USP54: variants seen among roughly 807,000 people sequenced by gnomAD.
USP54 encodes the protein ubiquitin specific peptidase 54, also known as ubiquitin carboxyl-terminal hydrolase 54.
USP54 carries 87 observed loss-of-function variants against 170.5 expected under a neutral mutation model. The observed-to-expected ratio is 0.51, with a 90% CI of 0.43 to 0.61. USP54 has a LOEUF of 0.61. USP54 is among the 20% of genes least tolerant of loss of function. The probability of loss-of-function intolerance (pLI) is 0.00; values close to 1 mark genes in which losing one functional copy is unlikely to be tolerated. For synonymous variants in USP54, 655 were observed against 742.8 expected (o/e 0.88, Z 1.92); for missense variants, 1,786 against 2,047.8 (o/e 0.87, Z 2.47).
chr10:73,526,313 T>G (rs774306075), intron 16 of USP54, among the ~76,000 whole-genome samples: 139 of 152,110 alleles, frequency 9.1e-4, no homozygotes, highest in Non-Finnish European at 1.2e-3. Flanking sequence ...AGTGGCACGA[T>G]CTTGGCTCAC....
At chr10:73,545,094 G>A (rs1283883577) in intron 5 of USP54, among the ~76,000 whole-genome samples, 1 of 152,152 alleles carries the variant, frequency 6.6e-6, no homozygotes, top group Non-Finnish European at 1.5e-5. Context: ...AGGGGCACTG[G>A]AGGCAATGTA....
At chr10:73,518,310 G>A in intron 19 of USP54, 3 of 921,950 alleles carry the variant, frequency 3.3e-6, no homozygotes, top group Non-Finnish European at 3.9e-6. Flanking sequence ...TTTATAATCT[G>A]GATTTTGTTC....
intron 4 of USP54, 81 bp from the exon 5 acceptor site, chr10:73,545,753 T>C: frequency 3.3e-6 from 5 of 1,515,662 alleles, no homozygotes; most frequent in Non-Finnish European, 4.5e-6. Flanking sequence ...CATGCTAGCA[T>C]CTCCATGATG....
intron 1 of USP54, among the ~76,000 whole-genome samples, chr10:73,613,132 CTTT>C (rs967595386): frequency 3.2e-3 from 406 of 127,394 alleles, no homozygotes; most frequent in African/African-American, 0.012. Flanking sequence ...ATTCCAGCCT[CTTT>C]TTTTTTTTTT....
chr10:73,512,486 C>CA lies in USP54; in HGVS notation c.4051+3888dup, dbSNP rs1225445494. On this transcript the variant is annotated intron_variant, in intron 20 of 23. Coordinates refer to ENST00000687698, the MANE Select transcript of USP54 (RefSeq NM_001391956.1). Reference sequence around the variant, plus strand: ...TCAGTTTTTAAACCAAGGACTCTAACAAAAATAAAGACTAGTTTGATTTTA... The same window carrying CA: ...TCAGTTTTTAAACCAAGGACTCTAACAAAAAATAAAGACTAGTTTGATTTTA... 5.9e-5 allele frequency among the ~76,000 whole-genome samples: 9 copies of CA among 152,058 alleles called. 1 individual carries two copies. The East Asian group carries it at 1.7e-3, about 29-fold the overall frequency.
chr10:73,557,653 T>G (rs1002473968), intron 4 of USP54, among the ~76,000 whole-genome samples: 2 of 151,848 alleles, frequency 1.3e-5, no homozygotes, highest in Admixed American at 6.6e-5. Flanking sequence ...ACCCAGCTAA[T>G]TTTTGTATTT....
Position 73,529,810 on chromosome 10 carries a change from C to T in USP54, c.1930G>A (p.Gly644Ser), listed in dbSNP as rs749982479. The change falls in exon 15 of 24, where the codon GGC (glycine) becomes AGC (serine). Residue 644 changes from glycine to serine, a missense_variant. Gly to Ser is a moderately conservative substitution (Grantham distance 56). Around this residue, in one of 3 missense-constraint regions of USP54, gnomAD observed 1,418 missense variants for 1,569.0 expected, o/e 0.90. Coordinates refer to ENST00000687698, the MANE Select transcript of USP54 (RefSeq NM_001391956.1). ...QYKRWGPARP[G>S]SHLLEQHPRL... ...GGGTGCTGCTCTAAAAGGTGAGAGCCTGGCCGTGCTGGGCCCCAGCGCTTG... is the reference window on the plus strand; with the variant it reads ...GGGTGCTGCTCTAAAAGGTGAGAGCTTGGCCGTGCTGGGCCCCAGCGCTTG... The T allele has an allele frequency of 1.1e-5, 17 of 1,612,386 alleles. No homozygotes were observed. The African/African-American group carries it at 1.2e-4, about 11-fold the overall frequency.
intron 3 of USP54, among the ~76,000 whole-genome samples, chr10:73,574,407 T>C (rs1044075228): frequency 1.3e-5 from 2 of 152,138 alleles, no homozygotes; most frequent in Non-Finnish European, 2.9e-5. Flanking sequence ...GAGATTAACA[T>C]ACCTGAAAGT....
At chr10:73,501,804 C>A (rs1340225056) in intron 22 of USP54, among the ~76,000 whole-genome samples, 2 of 152,118 alleles carry the variant, frequency 1.3e-5, no homozygotes, top group South Asian at 4.1e-4. Context: ...AGTCTTTATA[C>A]TTCCTGTTTC....
chr10:73,565,469 T>C (rs1337299112), intron 4 of USP54, among the ~76,000 whole-genome samples: 1 of 152,210 alleles, frequency 6.6e-6, no homozygotes, highest in East Asian at 1.9e-4. Context: ...TGAACCATAA[T>C]AGCCCCACTA....
At chr10:73,530,061 G>A in intron 14 of USP54, 82 bp downstream of exon 14, 13 of 1,524,770 alleles carry the variant, frequency 8.5e-6, no homozygotes, top group Non-Finnish European at 1.1e-5. Flanking sequence ...CCCCTTGCCA[G>A]ATGTACCAAA....
intron 3 of USP54, among the ~76,000 whole-genome samples, chr10:73,573,557 G>A (rs2075603555): frequency 6.6e-6 from 1 of 152,052 alleles, no homozygotes; most frequent in Admixed American, 6.6e-5. Context: ...TGAGGTGAGG[G>A]GTTCAAGACC....
At chr10:73,557,100 C>T (rs750961315) in intron 4 of USP54, among the ~76,000 whole-genome samples, 7 of 152,144 alleles carry the variant, frequency 4.6e-5, no homozygotes, top group Non-Finnish European at 8.8e-5. Context: ...ATACAGAGGA[C>T]GGATTTCCTA....
intron 20 of USP54, among the ~76,000 whole-genome samples, chr10:73,509,868 G>A (rs991214853): frequency 6.6e-6 from 1 of 152,102 alleles, no homozygotes; most frequent in Non-Finnish European, 1.5e-5. Flanking sequence ...AAATTGGTCG[G>A]ATGTGGTGGT....
intron 20 of USP54, among the ~76,000 whole-genome samples, chr10:73,510,206 G>A (rs1190061896): frequency 2.6e-5 from 4 of 151,888 alleles, no homozygotes; most frequent in Middle Eastern, 3.2e-3. Context: ...ATGGTGGCAC[G>A]TGCCTGTAGT....
rs200429219 is a variant in USP54 at position 73,498,727 on chromosome 10, G to A, written c.4957C>T (p.His1653Tyr). 9.9e-6 allele frequency: 16 copies of A among 1,613,622 alleles called. No individual in the cohort carries two copies. In the Admixed American group the frequency reaches 2.2e-4, roughly 22 times the overall value. Residue 1653 changes from histidine (H) to tyrosine (Y), a missense_variant, in exon 24 of 24, where the codon CAC becomes TAC. His to Tyr is a moderately conservative substitution (Grantham distance 83). Transcript: ENST00000687698. Reference protein sequence around the residue: ...RQSSYASHSGHRRTVGEGFLF... With the variant: ...RQSSYASHSGYRRTVGEGFLF... ...AACCCCTCTCCCACTGTTCTCCTGT[G>A]TCCAGAGTGGGAGGCATAACTGCTT...
At chr10:73,622,577 G>A (rs371711344) in intron 1 of USP54, among the ~76,000 whole-genome samples, 5 of 152,194 alleles carry the variant, frequency 3.3e-5, no homozygotes, top group African/African-American at 9.6e-5. Context: ...GCCCACCTCA[G>A]CCTCCCAAAG....
rs1265063297 is a variant in USP54 at position 73,620,330 on chromosome 10, A to AAAGG, written c.-18+5236_-18+5237insCCTT. Among the ~76,000 whole-genome samples the AAAGG allele has an allele frequency of 4.0e-5, 6 of 149,476 alleles. 1 individual carries two copies. Among genetic ancestry groups the AAAGG allele is most frequent in the African/African-American group, 1.3e-4 (5 of 39,186 alleles). ...TCCATCTCAAAAAAAAAAAAGAAAGAAAGAAAAAAGAAAGTTCTCTAGGCT... is the reference window on the plus strand; with the variant it reads ...TCCATCTCAAAAAAAAAAAAGAAAGAAAGGAAGAAAAAAGAAAGTTCTCTAGGCT... On this transcript the variant is annotated intron_variant, in intron 1 of 22. Transcript: ENST00000339859.
intron 12 of USP54, among the ~76,000 whole-genome samples, chr10:73,531,406 T>C (rs1447858002): frequency 6.6e-6 from 1 of 152,166 alleles, no homozygotes; most frequent in South Asian, 2.1e-4. Flanking sequence ...CCAGAAGGAC[T>C]AATGACATGT....
Sources: gnomAD v4.1 joint callset for allele counts (sites outside exome capture counted in the v4.1 genomes callset) on GRCh38, gnomAD v4.1.1 for gene constraint, gnomAD v4.1.1 regional missense constraint, MANE v1.5 for transcripts, NCBI Gene and HGNC (gene_info 2026-07-23, HGNC 2026-07-21) for gene names.